The following SHISA9 variants were observed in gnomAD, a reference collection of about 807,000 sequenced individuals.
The protein encoded by SHISA9 is protein shisa-9.
SHISA9 carries 13 observed loss-of-function variants against 38.0 expected under a neutral mutation model. That is an observed-to-expected ratio of 0.34 (90% confidence interval 0.22 to 0.54). The LOEUF (loss-of-function observed/expected upper bound fraction) is 0.54. Ranked by LOEUF, SHISA9 falls within the 20% of genes least tolerant of loss-of-function variation. SHISA9 has a pLI of 0.91. For synonymous variants in SHISA9, 275 were observed against 242.0 expected, an observed-to-expected ratio of 1.14 and a Z score of -1.27; for missense variants, 538 against 575.8, an observed-to-expected ratio of 0.93 and a Z score of 0.67.
rs542665121 is a variant in SHISA9, at chr16:12,985,963, G to A, written c.691+69148G>A. On this transcript the variant is annotated intron_variant, in intron 2 of 4. Transcript: ENST00000558583. ...TGCTGTCTTACCTAAGACCAGGCCA[G>A]CGGTGGGGCCGACTTACACTCCAGA... Among the ~76,000 whole-genome samples, 5 of 152,286 alleles carry A rather than the reference G, an allele frequency of 3.3e-5. No individual in the cohort carries two copies. The South Asian group carries it at 1.0e-3, about 32-fold the overall frequency.
the SHISA9 span, among the ~76,000 whole-genome samples, chr16:13,492,164 C>T: frequency 6.6e-6 from 1 of 152,050 alleles, no homozygotes; most frequent in African/African-American, 2.4e-5. Context: ...GATAACCAGC[C>T]CTAGTCAATT....
chr16:13,218,140 A>G (rs1470733841), intron 4 of SHISA9, among the ~76,000 whole-genome samples: 1 of 152,200 alleles, frequency 6.6e-6, no homozygotes, highest in Non-Finnish European at 1.5e-5. Context: ...GGGGTTTCCT[A>G]AAACCGCAAA....
At chr16:13,354,635 T>C in the SHISA9 span, among the ~76,000 whole-genome samples, 2 of 143,292 alleles carry the variant, frequency 1.4e-5, no homozygotes, top group African/African-American at 5.0e-5. Context: ...TCTAAAAGTA[T>C]TAAAGCAGCG....
the SHISA9 span, among the ~76,000 whole-genome samples, chr16:13,537,776 T>G: frequency 2.0e-5 from 3 of 152,186 alleles, no homozygotes; most frequent in Non-Finnish European, 4.4e-5. Context: ...CAAGAAACTT[T>G]AAACCTATGT....
chr16:13,028,275 C>T (rs959972590), intron 2 of SHISA9, among the ~76,000 whole-genome samples: 4 of 152,106 alleles, frequency 2.6e-5, no homozygotes, highest in African/African-American at 7.2e-5. Flanking sequence ...TTTATCTCTA[C>T]GTGGCTTCAT....
chr16:13,071,411 C>T (rs2073512527), intron 2 of SHISA9, among the ~76,000 whole-genome samples: 2 of 152,080 alleles, frequency 1.3e-5, no homozygotes, highest in Non-Finnish European at 2.9e-5. Context: ...CTACTATTTC[C>T]ATTTTACAGA....
At chr16:13,124,750 G>A (rs796816160) in intron 2 of SHISA9, among the ~76,000 whole-genome samples, 39 of 152,222 alleles carry the variant, frequency 2.6e-4, no homozygotes, top group African/African-American at 9.4e-4. Context: ...AAATAGCATG[G>A]CACTGGCATA....
chr16:13,395,141 C>A, the SHISA9 span, among the ~76,000 whole-genome samples: 1 of 152,242 alleles, frequency 6.6e-6, no homozygotes, highest in East Asian at 1.9e-4. Flanking sequence ...CATGAATATG[C>A]AGACCTGTGC....
the SHISA9 span, among the ~76,000 whole-genome samples, chr16:13,369,246 T>C: frequency 2.0e-5 from 3 of 152,160 alleles, no homozygotes; most frequent in African/African-American, 7.2e-5. Flanking sequence ...GATGAGTGCT[T>C]GCTAATTTCA....
chr16:12,910,876 G>T (rs760524220), intron 1 of SHISA9: 6 of 362,098 alleles, frequency 1.7e-5, no homozygotes, highest in Non-Finnish European at 2.3e-5. Context: ...TGGGGCAAAG[G>T]TCAGTGTTTT....
chr16:13,028,460 T>C (rs1042806882), intron 2 of SHISA9, among the ~76,000 whole-genome samples: 2 of 151,884 alleles, frequency 1.3e-5, no homozygotes. Context: ...GAAAGACACG[T>C]CTTACATGGT....
At chr16:13,422,173 C>T in the SHISA9 span, among the ~76,000 whole-genome samples, 1 of 152,156 alleles carries the variant, frequency 6.6e-6, no homozygotes, top group African/African-American at 2.4e-5. Context: ...TGTCTGATGG[C>T]AAATGCTCCC....
At chr16:12,916,552 A>C (rs2071259529) in intron 1 of SHISA9, 136 bp from the exon 2 acceptor site, 1 of 1,037,168 alleles carries the variant, frequency 9.6e-7, no homozygotes. Context: ...GTTTTTCTCT[A>C]CTCCACCCCT....
Position 12,908,867 on chromosome 16 carries a change from AT to A in SHISA9, c.563+6244del, listed in dbSNP as rs1050081043. On this transcript the variant is annotated intron_variant, in intron 1 of 4. Coordinates refer to ENST00000558583, the MANE Select transcript of SHISA9 (RefSeq NM_001145204.3). ...AAGCCAGTAGGGAACACATGTCATT[AT>A]TTTGTCCACCTTCAAACAGAATTGG... The A allele has an allele frequency of 2.7e-6, 3 of 1,110,634 alleles. No individual in the cohort carries two copies. The African/African-American group carries it at 4.9e-5, about 18-fold the overall frequency. The allele number at this position is 1,110,634 out of a possible 1,614,324, so 68.8% of individuals were successfully genotyped here.
At chr16:13,222,299 T>C (rs892276466) in intron 4 of SHISA9, among the ~76,000 whole-genome samples, 1 of 152,110 alleles carries the variant, frequency 6.6e-6, no homozygotes, top group Non-Finnish European at 1.5e-5. Flanking sequence ...TAATCCAGGT[T>C]GGTGGGCAGC....
intron 2 of SHISA9, among the ~76,000 whole-genome samples, chr16:13,192,899 AAGG>A (rs905734113): frequency 1.3e-4 from 20 of 151,512 alleles, no homozygotes; most frequent in African/African-American, 7.3e-5. Flanking sequence ...AAGAAGAAAG[AAGG>A]AGGAGGAGGA....
At chr16:13,476,338 A>G in the SHISA9 span, among the ~76,000 whole-genome samples, 2,312 of 152,232 alleles carry the variant, frequency 0.015, 71 homozygotes, top group African/African-American at 0.052. Context: ...CCTTCCTGCT[A>G]TATAAACCCC....
rs571263332 is a variant in SHISA9 at position 13,208,510 on chromosome 16, C to T, written c.848-4743C>T. On this transcript the variant is annotated intron_variant, in intron 3 of 4. Transcript: ENST00000558583. ...AGGCTGGAGTGCCATGGCGCAATCT[C>T]GGCTCACCACAACCGCCGCCTCCTG... Among the ~76,000 whole-genome samples, 57 of 143,358 alleles carry T rather than the reference C, an allele frequency of 4.0e-4. No individual in the cohort carries two copies. The South Asian group carries it at 9.6e-3, about 24-fold the overall frequency. The allele number at this position is 143,358 out of a possible 152,430, so 94.0% of individuals were successfully genotyped here. A position where few individuals can be genotyped will look rare whatever the true frequency, so the allele number is the denominator to read the frequency against.
chr16:13,205,256 C>G (rs1463884117), intron 3 of SHISA9, among the ~76,000 whole-genome samples: 1 of 152,252 alleles, frequency 6.6e-6, no homozygotes, highest in Non-Finnish European at 1.5e-5. Flanking sequence ...ATGAAAACTA[C>G]TTCATCAGTC....
Sources: gnomAD v4.1 joint callset for allele counts (sites outside exome capture counted in the v4.1 genomes callset) on GRCh38, gnomAD v4.1.1 for gene constraint, MANE v1.5 for transcripts, NCBI Gene and HGNC (gene_info 2026-07-23, HGNC 2026-07-21) for gene names.